Variants in CPA4 observed in about 807,000 individuals in gnomAD.
CPA4 encodes carboxypeptidase A3.
CPA4 carries 49 observed loss-of-function variants against 54.7 expected under a neutral mutation model. The observed-to-expected ratio is 0.90, with a 90% confidence interval of 0.71 to 1.14. The LOEUF is 1.14. CPA4 is among the 50% of genes most tolerant of loss of function. The pLI is 0.00. For synonymous variants in CPA4, 215 were observed against 206.8 expected (o/e 1.04, Z -0.34); for missense variants, 487 against 525.1 (o/e 0.93, Z 0.71).
chr7:130,293,382 C>T (rs556859681), intron 1 of CPA4, 134 bp downstream of exon 1: 24 of 684,754 alleles, frequency 3.5e-5, no homozygotes, highest in Non-Finnish European at 5.3e-5. Context: ...GCCCCTGTGT[C>T]ATCCTGGACA....
intron 4 of CPA4, 30 bp downstream of exon 4, chr7:130,300,944 G>A: frequency 7.0e-7 from 1 of 1,425,564 alleles, no homozygotes; most frequent in Non-Finnish European, 9.9e-7. Flanking sequence ...TTAAGATCAA[G>A]GTTCTCTGCC....
Position 130,323,229 on chromosome 7 carries a change from T to G in CPA4, c.*553T>G, listed in dbSNP as rs1448017991. The G allele has an allele frequency of 1.3e-5, 2 of 152,578 alleles. No homozygotes were observed. The highest frequency in any genetic ancestry group is 2.4e-5 in the African/African-American group (1 of 41,428). The allele number at this position is 152,578 out of a possible 1,614,324, so 9.5% of individuals were successfully genotyped here. A position where few individuals can be genotyped will look rare whatever the true frequency, so the allele number is the denominator to read the frequency against. ...TCTCCCTCCCTCCTCTCCTGTTTTT[T>G]TTTTTTTGAGACAGAGTTTTGCTCT... is the stretch of plus-strand genomic sequence containing the variant. On this transcript the variant is annotated 3_prime_UTR_variant, in exon 11 of 11. Transcript: ENST00000222482.
At position 130,306,806 on chromosome 7, in the gene CPA4, G is replaced by T. The variant is rs757749342; in HGVS notation, c.611G>T (p.Arg204Met). 3.7e-6 allele frequency: 6 copies of T among 1,606,290 alleles called. No homozygotes were observed. The South Asian group carries it at 6.6e-5, about 18-fold the overall frequency. Reference sequence around the variant, plus strand: ...GCTTAGATTGTATCTGATTACCAGAGGGATCCAGCTATCACCTCCATCTTG... The same window carrying T: ...GCTTAGATTGTATCTGATTACCAGATGGATCCAGCTATCACCTCCATCTTG... ...TARKIVSDYQ[R>M]DPAITSILEK... Residue 204 changes from arginine (R) to methionine (M), a missense_variant, in exon 7 of 11, where the codon AGG becomes ATG. Transcript: ENST00000222482.
chr7:130,302,537 A>T (rs1210829021), intron 4 of CPA4, among the ~76,000 whole-genome samples: 2 of 150,854 alleles, frequency 1.3e-5, no homozygotes, highest in African/African-American at 4.9e-5. Flanking sequence ...GCAACCACTT[A>T]GGCTTTCTTA....
At position 130,306,828 on chromosome 7, in the gene CPA4, C is replaced by T. The variant is rs747789754; in HGVS notation, c.633C>T (p.Ile211=). The T allele has an allele frequency of 6.2e-7, 1 of 1,611,404 alleles. No individual in the cohort carries two copies. The highest frequency in any genetic ancestry group is 8.5e-7 in the Non-Finnish European group (1 of 1,177,476). ...DYQRDPAITS[I]LEKMDIFLLP... is the part of the protein sequence containing the mutation. ...AGAGGGATCCAGCTATCACCTCCAT[C>T]TTGGAGAAAATGGATATTTTCTTGT... Residue 211 remains isoleucine (I), a synonymous_variant, in exon 7 of 11, where the codon ATC becomes ATT. Transcript: ENST00000222482.
chr7:130,304,103 C>T (rs1237378401), intron 4 of CPA4, among the ~76,000 whole-genome samples: 1 of 152,184 alleles, frequency 6.6e-6, no homozygotes, highest in Admixed American at 6.5e-5. Context: ...TGGCCTCAAG[C>T]AATCCTCCCG....
chr7:130,308,718 C>T (rs916445116), intron 8 of CPA4, among the ~76,000 whole-genome samples: 2 of 130,892 alleles, frequency 1.5e-5, no homozygotes, highest in African/African-American at 7.8e-5. Flanking sequence ...CCACCACGCC[C>T]GGCTATTTTT....
chr7:130,306,086 C>T (rs1793816343), intron 6 of CPA4, 166 bp downstream of exon 6: 2 of 613,440 alleles, frequency 3.3e-6, no homozygotes, highest in Non-Finnish European at 5.8e-6. Context: ...ACCCCTTGGT[C>T]AGCTCACTGC....
In CPA4 at chr7:130,306,766, A is replaced by T. The variant is rs374402716; in HGVS notation, c.592-21A>T. On this transcript the variant is annotated intron_variant, in intron 6 of 10. Coordinates refer to ENST00000222482, the MANE Select transcript of CPA4 (RefSeq NM_016352.4). ...CCCATCCTGCCATGGGATAGCTGACAAGCATATTGTCTCTGCTTAGATTGT... is the reference window on the plus strand; with the variant it reads ...CCCATCCTGCCATGGGATAGCTGACTAGCATATTGTCTCTGCTTAGATTGT... The T allele has an allele frequency of 1.5e-5, 21 of 1,407,114 alleles. No individual in the cohort carries two copies. The African/African-American group carries it at 2.5e-4, about 17-fold the overall frequency. 87.2% of individuals were successfully genotyped at this position (1,407,114 alleles called of 1,614,324 possible). A position where few individuals can be genotyped will look rare whatever the true frequency, so the allele number is the denominator to read the frequency against.
chr7:130,319,043 C>T (rs7784848), intron 10 of CPA4, among the ~76,000 whole-genome samples: 3,717 of 152,240 alleles, frequency 0.024, 142 homozygotes, highest in African/African-American at 0.085. Context: ...CCTACTCTGC[C>T]GTCTTGGACT....
At chr7:130,295,689 T>C (rs1259549324) in intron 1 of CPA4, among the ~76,000 whole-genome samples, 2 of 152,278 alleles carry the variant, frequency 1.3e-5, no homozygotes, top group Admixed American at 1.3e-4. Flanking sequence ...TTCATAAGGA[T>C]AATGCTACCG....
At chr7:130,316,706 G>A (rs548396415) in intron 10 of CPA4, among the ~76,000 whole-genome samples, 102 of 152,210 alleles carry the variant, frequency 6.7e-4, no homozygotes, top group African/African-American at 2.4e-3. Flanking sequence ...GGGAGGCCGA[G>A]GCGGGTGGAT....
chr7:130,310,721 G>A lies in CPA4; in HGVS notation c.794-66G>A. 1 of 1,477,904 alleles carries A rather than the reference G, an allele frequency of 6.8e-7. No individual in the cohort carries two copies. Among genetic ancestry groups the A allele is most frequent in the East Asian group, 2.3e-5 (1 of 43,992 alleles). 91.5% of individuals were successfully genotyped at this position (1,477,904 alleles called of 1,614,324 possible). ...AATACCTTCGGCCCCTCTCTAGGTG[G>A]AGCGTCTTGCATTTCTGTGTTCTTG... On this transcript the variant is annotated intron_variant, in intron 8 of 10. Transcript: ENST00000222482. This position sits in a 1 kb window ranked among gnomAD's most constrained non-coding sequence, Gnocchi z 4.3.
In CPA4 at chr7:130,308,386, C is replaced by T; in HGVS notation, c.782C>T (p.Ala261Val). The T allele has an allele frequency of 6.2e-7, 1 of 1,614,018 alleles. No homozygotes were observed. Among genetic ancestry groups the T allele is most frequent in the South Asian group, 1.1e-5 (1 of 91,070 alleles). The change falls in exon 8 of 11, where the codon GCT (alanine) becomes GTT (valine). Residue 261 changes from alanine to valine, a missense_variant. Ala to Val is a moderately conservative substitution (Grantham distance 64). Transcript: ENST00000222482. Reference protein sequence around the residue: ...IGADPNRNWNASFAGKGASDN... With the variant: ...IGADPNRNWNVSFAGKGASDN... The stretch of plus-strand genomic sequence containing the variant: ...GCTGACCCAAATAGAAACTGGAACG[C>T]TAGTTTTGCAGGTAGGCGGTGGGGA...
At chr7:130,305,763 T>G in intron 5 of CPA4, 53 bp from the exon 6 acceptor site, 3 of 1,260,048 alleles carry the variant, frequency 2.4e-6, no homozygotes. Context: ...AGAGGAGAAG[T>G]GAGCAGAGAT....
chr7:130,308,461 T>C, intron 8 of CPA4, 64 bp downstream of exon 8: 2 of 1,353,004 alleles, frequency 1.5e-6, no homozygotes, highest in African/African-American at 1.4e-5. Context: ...CTACCAGTGC[T>C]CTGAGCTGGC....
intron 6 of CPA4, 180 bp downstream of exon 6, chr7:130,306,100 C>A: frequency 1.7e-6 from 1 of 603,332 alleles, no homozygotes; most frequent in Non-Finnish European, 3.0e-6. Context: ...TCACTGCGGC[C>A]AAATTGATTG....
chr7:130,309,354 C>T (rs547450118), intron 8 of CPA4, among the ~76,000 whole-genome samples: 4 of 152,270 alleles, frequency 2.6e-5, no homozygotes, highest in Non-Finnish European at 4.4e-5. Context: ...TGTGAGCAGG[C>T]GGAAGGACTC....
intron 3 of CPA4, 57 bp downstream of exon 3, chr7:130,299,461 A>G (rs1310231817): frequency 6.5e-7 from 1 of 1,534,894 alleles, no homozygotes; most frequent in African/African-American, 1.4e-5. Flanking sequence ...CAGCCAGTCC[A>G]GAGTAGACCG....
Sources: allele counts gnomAD v4.1 joint callset (sites outside exome capture counted in the v4.1 genomes callset), GRCh38; gene constraint gnomAD v4.1.1; non-coding constraint Gnocchi (gnomAD v3.1); transcripts MANE v1.5; gene names NCBI Gene and HGNC (gene_info 2026-07-23, HGNC 2026-07-21).